Variants in ELAVL2 observed in about 807,000 individuals in gnomAD.
The protein encoded by ELAVL2 is ELAV-like protein 2.
Under a neutral mutation model 34.6 loss-of-function variants are expected in ELAVL2, and 4 were observed. That is an observed-to-expected ratio of 0.12 (90% CI 0.06 to 0.26). ELAVL2 has a LOEUF of 0.26. Among genes scored for constraint, ELAVL2 ranks in the 10% least tolerant of loss-of-function variants. The probability of loss-of-function intolerance (pLI) is 1.00; values close to 1 mark genes in which losing one functional copy is unlikely to be tolerated. For synonymous variants in ELAVL2, 193 were observed against 154.8 expected (o/e 1.25, Z -1.83); for missense variants, 432 against 442.8 (o/e 0.98, Z 0.22).
chr9:23,714,692 T>C (rs1481621615), intron 3 of ELAVL2, among the ~76,000 whole-genome samples: 3 of 152,188 alleles, frequency 2.0e-5, no homozygotes, highest in Non-Finnish European at 2.9e-5. Context: ...ATAAATGAAC[T>C]TCATGGAATA....
At chr9:23,702,343 T>C (rs956417543) in intron 4 of ELAVL2, among the ~76,000 whole-genome samples, 28 of 152,160 alleles carry the variant, frequency 1.8e-4, no homozygotes, top group African/African-American at 6.5e-4. Context: ...GCATCACTCC[T>C]GACTACAGAA....
At chr9:23,844,769 G>T in the ELAVL2 span, among the ~76,000 whole-genome samples, 1 of 151,920 alleles carries the variant, frequency 6.6e-6, no homozygotes, top group Non-Finnish European at 1.5e-5. Context: ...GTCAAGCGAG[G>T]CGGTATGTAG....
intron 1 of ELAVL2, among the ~76,000 whole-genome samples, chr9:23,818,240 C>T (rs956604592): frequency 1.3e-5 from 2 of 152,130 alleles, no homozygotes; most frequent in African/African-American, 4.8e-5. Flanking sequence ...AGCCTTCAAA[C>T]AGTTCTATAA....
At chr9:23,716,177 A>AGGGG (rs397893649) in intron 3 of ELAVL2, among the ~76,000 whole-genome samples, 1 of 62,630 alleles carries the variant, frequency 1.6e-5, no homozygotes, top group Non-Finnish European at 3.1e-5. Flanking sequence ...GGGTTGGGGG[A>AGGGG]GGGGGGAGGG....
intron 2 of ELAVL2, among the ~76,000 whole-genome samples, chr9:23,733,542 C>A (rs140852231): frequency 1.3e-5 from 2 of 152,098 alleles, no homozygotes; most frequent in Non-Finnish European, 2.9e-5. Context: ...TTCACAGTTG[C>A]GTTGTTTAGG....
intron 3 of ELAVL2, among the ~76,000 whole-genome samples, chr9:23,719,479 G>A (rs2134007598): frequency 6.6e-6 from 1 of 152,224 alleles, no homozygotes; most frequent in East Asian, 1.9e-4. Context: ...AGAACATGAA[G>A]AAAAATCCTT....
chr9:23,705,413 A>G (rs1563974730), intron 3 of ELAVL2, among the ~76,000 whole-genome samples: 1 of 152,234 alleles, frequency 6.6e-6, no homozygotes, highest in Non-Finnish European at 1.5e-5. Context: ...TAGTGATTCA[A>G]CAACTGCCTG....
intron 1 of ELAVL2, among the ~76,000 whole-genome samples, chr9:23,787,881 A>C (rs1177636754): frequency 2.0e-5 from 3 of 152,138 alleles, no homozygotes; most frequent in East Asian, 3.9e-4. Context: ...GAGACTGGGG[A>C]ATTCATCCAG....
At chr9:23,716,280 G>A (rs938445701) in intron 3 of ELAVL2, among the ~76,000 whole-genome samples, 13 of 152,110 alleles carry the variant, frequency 8.5e-5, no homozygotes, top group East Asian at 1.9e-4. Flanking sequence ...AAACCTGCAC[G>A]TTGTGCACAT....
chr9:23,767,674 G>A (rs919691364), intron 1 of ELAVL2, among the ~76,000 whole-genome samples: 5 of 152,130 alleles, frequency 3.3e-5, no homozygotes, highest in African/African-American at 1.2e-4. Flanking sequence ...TCAGGACGCT[G>A]AGGCAGGAGA....
At chr9:23,750,179 G>T (rs2135533862) in intron 2 of ELAVL2, among the ~76,000 whole-genome samples, 1 of 152,082 alleles carries the variant, frequency 6.6e-6, no homozygotes, top group East Asian at 1.9e-4. Flanking sequence ...AATAGAGTAA[G>T]AAACTAACCC....
the ELAVL2 span, among the ~76,000 whole-genome samples, chr9:23,832,871 A>G: frequency 0.012 from 1,807 of 152,244 alleles, 40 homozygotes; most frequent in African/African-American, 0.042. Context: ...GAAAAATTTT[A>G]ACATGCTATC....
In ELAVL2 at chr9:23,815,635, T is replaced by C. The variant is rs114595339; in HGVS notation, c.-16+10171A>G. On this transcript the variant is annotated intron_variant, in intron 1 of 6. Coordinates refer to ENST00000397312, the MANE Select transcript of ELAVL2 (RefSeq NM_004432.5). ...GCTCATCTTTACGTGGTCCTTGAGA[T>C]GGGGAGGGTAAGATTTTATACACAA... 6.9e-3 allele frequency among the ~76,000 whole-genome samples: 1,053 copies of C among 152,214 alleles called. 10 individuals are homozygous for C. The highest frequency in any genetic ancestry group is 0.024 in the African/African-American group (1,000 of 41,538).
At chr9:23,770,463 A>C (rs999663944) in intron 1 of ELAVL2, among the ~76,000 whole-genome samples, 1 of 152,204 alleles carries the variant, frequency 6.6e-6, no homozygotes, top group Non-Finnish European at 1.5e-5. Context: ...TAAAGCTGCT[A>C]ATCAGCTCAC....
Position 23,759,649 on chromosome 9 carries a change from C to T in ELAVL2, c.229+2357G>A, listed in dbSNP as rs946630378. Among the ~76,000 whole-genome samples the T allele has an allele frequency of 4.0e-5, 6 of 150,294 alleles. No homozygotes were observed. The Admixed American group carries it at 4.0e-4, about 10-fold the overall frequency. On this transcript the variant is annotated intron_variant, in intron 2 of 6. Transcript: ENST00000397312. ...CAATGTATATAGCATCAAAACATCT[C>T]ACTGTACTCCACAAATTTGTTCAAT...
At chr9:23,787,745 G>GCA (rs1162674164) in intron 1 of ELAVL2, among the ~76,000 whole-genome samples, 2 of 152,044 alleles carry the variant, frequency 1.3e-5, no homozygotes, top group Non-Finnish European at 2.9e-5. Context: ...CCAGATACTG[G>GCA]CATTTTTATC....
intron 1 of ELAVL2, among the ~76,000 whole-genome samples, chr9:23,801,013 G>C (rs941088860): frequency 2.0e-5 from 3 of 150,978 alleles, no homozygotes; most frequent in Non-Finnish European, 3.0e-5. Context: ...GCTGGGCCCA[G>C]CAGAGATCTA....
intron 1 of ELAVL2, among the ~76,000 whole-genome samples, chr9:23,764,788 T>C (rs1193296374): frequency 6.6e-6 from 1 of 152,058 alleles, no homozygotes; most frequent in African/African-American, 2.4e-5. Context: ...ATTTAGATTG[T>C]AAAAAAATTA....
intron 1 of ELAVL2, among the ~76,000 whole-genome samples, chr9:23,779,053 G>A (rs975515222): frequency 6.6e-6 from 1 of 152,220 alleles, no homozygotes; most frequent in Non-Finnish European, 1.5e-5. Flanking sequence ...GGATGAGGCA[G>A]TGAGTAGGGC....
Sources: allele counts gnomAD v4.1 joint callset (sites outside exome capture counted in the v4.1 genomes callset), GRCh38; gene constraint gnomAD v4.1.1; transcripts MANE v1.5; gene names NCBI Gene and HGNC (gene_info 2026-07-23, HGNC 2026-07-21).